AHI1: variants seen among roughly 807,000 people sequenced by gnomAD.
AHI1 encodes jouberin.
In AHI1, 123 loss-of-function variants were observed where a neutral mutation model predicts 149.3. The observed-to-expected ratio is 0.82, with a 90% CI of 0.71 to 0.96. The LOEUF is 0.96. AHI1 is among the 40% of genes least tolerant of loss of function. The probability of loss-of-function intolerance (pLI) is 0.00; values close to 1 mark genes in which losing one functional copy is unlikely to be tolerated. For synonymous variants in AHI1, 475 were observed against 459.8 expected (o/e 1.03, Z -0.42); for missense variants, 1,439 against 1,422.7 (o/e 1.01, Z -0.18).
rs996515406 is a variant in AHI1 at position 135,475,322 on chromosome 6, T to C, written c.136-7688A>G. Among the ~76,000 whole-genome samples the C allele has an allele frequency of 2.0e-5, 3 of 152,200 alleles. No individual in the cohort carries two copies. In the South Asian group the frequency reaches 6.2e-4, roughly 31 times the overall value. On this transcript the variant is annotated intron_variant, in intron 5 of 28. Coordinates refer to ENST00000265602, the MANE Select transcript of AHI1 (RefSeq NM_001134831.2). ...TCCCAATCAGCCTGGTTACAGGTAG[T>C]ACAGAAAACAGTTAATTCATGAGCC... is the stretch of plus-strand genomic sequence containing the variant.
At position 135,323,227 on chromosome 6, in the gene AHI1, C is replaced by T. The variant is rs775503155; in HGVS notation, c.3263G>A (p.Trp1088Ter). ...IRVFFKDNED[W>*]WYGSIGKGQE... ...TCCCTTTCCTATGCTGCCATACCAC[C>T]AGTCTTCATTATCTTTGAAAAACAC... The change falls in exon 25 of 29, where the codon TGG (tryptophan) becomes TAG (stop). Residue 1088 changes from tryptophan (W) to a stop codon, truncating the protein, a stop_gained. Transcript: ENST00000265602. LOFTEE classifies it high-confidence loss of function. The T allele has an allele frequency of 6.2e-7, 1 of 1,613,802 alleles. No individual in the cohort carries two copies. The highest frequency in any genetic ancestry group is 8.5e-7 in the Non-Finnish European group (1 of 1,179,792).
At chr6:135,335,843 G>C (rs952318808) in intron 24 of AHI1, among the ~76,000 whole-genome samples, 1 of 152,096 alleles carries the variant, frequency 6.6e-6, no homozygotes, top group Non-Finnish European at 1.5e-5. Flanking sequence ...TATATAAACA[G>C]GACCGGCGTG....
Position 135,493,854 on chromosome 6 carries a change from C to T in AHI1, c.-54-1563G>A, listed in dbSNP as rs9483841. ...GGTCAGGAGTTTGTGTCCTGTCTGG[C>T]CAACATGGTAAAACCCCATCTCTAC... is the stretch of plus-strand genomic sequence containing the variant. On this transcript the variant is annotated intron_variant, in intron 3 of 28. Transcript: ENST00000265602. Among the ~76,000 whole-genome samples the T allele has an allele frequency of 9.8e-3, 1,492 of 152,164 alleles. 27 individuals are homozygous for T. The highest frequency in any genetic ancestry group is 0.034 in the African/African-American group (1,398 of 41,516).
chr6:135,456,927 T>C (rs1012508382), intron 9 of AHI1, among the ~76,000 whole-genome samples: 4 of 152,344 alleles, frequency 2.6e-5, no homozygotes, highest in South Asian at 2.1e-4. Flanking sequence ...TGCAACTTTA[T>C]GTCATAAATT....
intron 21 of AHI1, 68 bp from the exon 22 acceptor site, chr6:135,405,045 C>G (rs957925809): frequency 1.5e-6 from 2 of 1,324,728 alleles, no homozygotes; most frequent in African/African-American, 1.5e-5. Context: ...TTGCAAAACA[C>G]TCAGATGTTT....
At chr6:135,409,372 T>C (rs1169419517) in intron 21 of AHI1, among the ~76,000 whole-genome samples, 3 of 152,154 alleles carry the variant, frequency 2.0e-5, no homozygotes, top group African/African-American at 4.8e-5. Context: ...ATGTTTTCAT[T>C]CATTTGAGAA....
intron 5 of AHI1, among the ~76,000 whole-genome samples, chr6:135,481,366 C>A (rs532094048): frequency 1.3e-5 from 2 of 152,240 alleles, no homozygotes; most frequent in South Asian, 4.1e-4. Context: ...ATGCTTGAGA[C>A]AAAAAGTGTT....
At chr6:135,446,005 G>A (rs1178539896) in intron 13 of AHI1, among the ~76,000 whole-genome samples, 3 of 151,748 alleles carry the variant, frequency 2.0e-5, no homozygotes, top group African/African-American at 7.3e-5. Context: ...GCAGTGAGCC[G>A]AGATTGCACC....
intron 11 of AHI1, among the ~76,000 whole-genome samples, chr6:135,449,778 T>C (rs945464683): frequency 6.6e-6 from 1 of 152,244 alleles, no homozygotes; most frequent in Non-Finnish European, 1.5e-5. Flanking sequence ...CAATTTGTGC[T>C]AACCAATACG....
intron 25 of AHI1, 45 bp from the exon 26 acceptor site, chr6:135,318,661 T>C (rs1160357773): frequency 1.6e-6 from 2 of 1,285,592 alleles, no homozygotes; most frequent in South Asian, 1.5e-5. Flanking sequence ...TGAGGAGCAC[T>C]GCTCCATGGG....
chr6:135,458,621 G>A (rs973548578), intron 8 of AHI1, among the ~76,000 whole-genome samples: 2 of 152,284 alleles, frequency 1.3e-5, no homozygotes, highest in East Asian at 3.9e-4. Context: ...CACAGTTCTA[G>A]GTTGATAATC....
chr6:135,411,178 T>C (rs887208377), intron 21 of AHI1, among the ~76,000 whole-genome samples, 170 bp downstream of exon 21: 2 of 152,180 alleles, frequency 1.3e-5, no homozygotes, highest in Non-Finnish European at 1.5e-5. Context: ...ATTCAGGTTG[T>C]CTGTTGCAAT....
At chr6:135,336,608 T>G (rs1350027802) in intron 24 of AHI1, among the ~76,000 whole-genome samples, 1 of 152,100 alleles carries the variant, frequency 6.6e-6, no homozygotes, top group Non-Finnish European at 1.5e-5. Flanking sequence ...TACAATAATC[T>G]CCTGTATCTT....
intron 27 of AHI1, chr6:135,297,629 G>A (rs1783276568): frequency 2.5e-6 from 1 of 401,670 alleles, no homozygotes; most frequent in African/African-American, 2.1e-5. Context: ...GCTCACTGCT[G>A]GGCACACTGT....
intron 21 of AHI1, among the ~76,000 whole-genome samples, chr6:135,407,884 A>T (rs1781024818): frequency 6.6e-6 from 1 of 151,886 alleles, no homozygotes; most frequent in Admixed American, 6.6e-5. Context: ...TACAAAAAAA[A>T]ATTAATCGGG....
rs1409337857 is a variant in AHI1 at position 135,323,425 on chromosome 6, C to G, written c.3166-101G>C. On this transcript the variant is annotated intron_variant, in intron 24 of 28. Transcript: ENST00000265602. The stretch of plus-strand genomic sequence containing the variant: ...TGCAGAAGAGCAGCTGAAACCAAAG[C>G]AGTACTTTGGTAAGTGTGAGGCTGT... 2.3e-6 allele frequency: 3 copies of G among 1,293,110 alleles called. No homozygotes were observed. In the African/African-American group the frequency reaches 4.4e-5, roughly 19 times the overall value. 80.1% of individuals were successfully genotyped at this position (1,293,110 alleles called of 1,614,324 possible). A position where few individuals can be genotyped will look rare whatever the true frequency, so the allele number is the denominator to read the frequency against.
chr6:135,465,989 A>T lies in AHI1; in HGVS notation c.574T>A (p.Tyr192Asn). 1 of 1,613,888 alleles carries T rather than the reference A, an allele frequency of 6.2e-7. No homozygotes were observed. The highest frequency in any genetic ancestry group is 8.5e-7 in the Non-Finnish European group (1 of 1,179,854). Reference sequence around the variant, plus strand: ...ATTTCTTCAGTTACATGGCACTGATATGCTTGCATCAATTCTTCATCCTCT... The same window carrying T: ...ATTTCTTCAGTTACATGGCACTGATTTGCTTGCATCAATTCTTCATCCTCT... ...LEEDEELMQA[Y>N]QCHVTEEMAK... The change falls in exon 7 of 29, where the codon TAT becomes AAT. Residue 192 changes from tyrosine to asparagine, a missense_variant. Tyr to Asn is a moderately radical substitution (Grantham distance 143, BLOSUM62 -2). Transcript: ENST00000265602.
chr6:135,349,188 A>G (rs1582741846), intron 24 of AHI1, among the ~76,000 whole-genome samples: 1 of 152,110 alleles, frequency 6.6e-6, no homozygotes, highest in East Asian at 1.9e-4. Context: ...GGTTCTTGCT[A>G]TGTTGTCCAG....
intron 23 of AHI1, among the ~76,000 whole-genome samples, chr6:135,362,475 A>G (rs1241929843): frequency 2.0e-5 from 3 of 152,160 alleles, no homozygotes; most frequent in African/African-American, 7.2e-5. Context: ...GTACTAGTTC[A>G]TGTTCCCACC....
Sources: allele counts gnomAD v4.1 joint callset (sites outside exome capture counted in the v4.1 genomes callset), GRCh38; gene constraint gnomAD v4.1.1; transcripts MANE v1.5; gene names NCBI Gene and HGNC (gene_info 2026-07-23, HGNC 2026-07-21).